Variants in ATP2B2 observed in about 807,000 individuals in gnomAD.
ATP2B2 encodes plasma membrane calcium-transporting ATPase 2.
ATP2B2 carries 15 observed loss-of-function variants against 120.0 expected under a neutral mutation model. The ratio of observed to expected loss-of-function variants is 0.12; its 90% confidence interval spans 0.08 to 0.19. The LOEUF (loss-of-function observed/expected upper bound fraction) is 0.19, where lower values mean the gene tolerates loss of function less well. Among genes scored for constraint, ATP2B2 ranks in the 10% least tolerant of loss-of-function variants. The pLI is 1.00. For synonymous variants in ATP2B2, 694 were observed against 700.3 expected (o/e 0.99, Z 0.14); for missense variants, 1,045 against 1,719.8 (o/e 0.61, Z 6.94).
At chr3:10,626,680 G>A (rs1240583095) in intron 1 of ATP2B2, 1 of 152,068 alleles carries the variant, frequency 6.6e-6, no homozygotes, top group Admixed American at 6.5e-5. Flanking sequence ...TGGAGAAAAG[G>A]ATGAGTGAAT....
At chr3:10,605,159 A>G (rs2069028715) in intron 2 of ATP2B2, among the ~76,000 whole-genome samples, 1 of 152,168 alleles carries the variant, frequency 6.6e-6, no homozygotes, top group Non-Finnish European at 1.5e-5. Flanking sequence ...ATAACACACT[A>G]ACTACTTCAC....
At chr3:10,377,748 CT>C (rs1348671330) in intron 10 of ATP2B2, among the ~76,000 whole-genome samples, 3 of 152,222 alleles carry the variant, frequency 2.0e-5, no homozygotes, top group Non-Finnish European at 4.4e-5. Context: ...CCATTCTTGT[CT>C]TCCTCTGCTC....
chr3:10,400,881 T>C, intron 5 of ATP2B2, 72 bp downstream of exon 5: 2 of 1,603,858 alleles, frequency 1.2e-6, no homozygotes, highest in Non-Finnish European at 1.7e-6. Flanking sequence ...CCCTTCAGCC[T>C]CATGAAGGGG....
chr3:10,704,237 C>T (rs1331310708), intron 1 of ATP2B2, among the ~76,000 whole-genome samples: 1 of 152,180 alleles, frequency 6.6e-6, no homozygotes, highest in Non-Finnish European at 1.5e-5. Flanking sequence ...ATGATAATAT[C>T]ACCTACGTCT....
Position 10,345,522 on chromosome 3 carries a change from G to C in ATP2B2, c.2565C>G (p.Asp855Glu). 6.2e-7 allele frequency: 1 copy of C among 1,614,196 alleles called. No individual in the cohort carries two copies. Among genetic ancestry groups the C allele is most frequent in the Non-Finnish European group, 8.5e-7 (1 of 1,180,016 alleles). ...CCTTGACGATGCTGCTGAAATTGTC[G>C]TCTGTCAGGATGATGTCTGAGGCCT... ...AKEASDIILT[D>E]DNFSSIVKAV... Residue 855 changes from aspartate to glutamate, a missense_variant, in exon 18 of 23, where the codon GAC becomes GAG. Physicochemically the swap from Asp to Glu is conservative, Grantham distance 45 (BLOSUM62 2). Coordinates refer to ENST00000360273, the MANE Select transcript of ATP2B2 (RefSeq NM_001001331.4).
chr3:10,596,021 T>C (rs898864848), intron 2 of ATP2B2, among the ~76,000 whole-genome samples: 1 of 152,126 alleles, frequency 6.6e-6, no homozygotes, highest in East Asian at 1.9e-4. Context: ...TCCTCTCAGA[T>C]CTTTGTAAGC....
upstream of ATP2B2, among the ~76,000 whole-genome samples, chr3:10,507,688 A>G (rs1178545020): frequency 2.0e-5 from 3 of 152,170 alleles, no homozygotes; most frequent in Non-Finnish European, 2.9e-5. Context: ...ACATTTCAAC[A>G]ATCACACTGC....
intron 14 of ATP2B2, among the ~76,000 whole-genome samples, chr3:10,355,097 A>G (rs1471599958): frequency 7.1e-6 from 1 of 139,974 alleles, no homozygotes; most frequent in East Asian, 1.9e-4. Context: ...ACAAATAAAC[A>G]AAGCCATACC....
intron 1 of ATP2B2, among the ~76,000 whole-genome samples, chr3:10,500,050 C>T (rs2066319711): frequency 6.7e-6 from 1 of 150,368 alleles, no homozygotes; most frequent in African/African-American, 2.5e-5. Flanking sequence ...ATTCTCCTGT[C>T]TCAGCCTCCT....
chr3:10,659,255 A>G (rs1322335506), intron 1 of ATP2B2, among the ~76,000 whole-genome samples: 2 of 152,236 alleles, frequency 1.3e-5, no homozygotes, highest in African/African-American at 4.8e-5. Context: ...TATTAACCTT[A>G]AATGTAAATG....
At chr3:10,376,931 C>G (rs150426926) in intron 10 of ATP2B2, among the ~76,000 whole-genome samples, 1 of 152,150 alleles carries the variant, frequency 6.6e-6, no homozygotes, top group Non-Finnish European at 1.5e-5. Flanking sequence ...ATCTCAGCTG[C>G]CCCCGGCTTC....
At chr3:10,447,123 A>G (rs2063862963) in intron 2 of ATP2B2, among the ~76,000 whole-genome samples, 1 of 152,124 alleles carries the variant, frequency 6.6e-6, no homozygotes, top group Non-Finnish European at 1.5e-5. Context: ...GGTCTTGATT[A>G]TCTGCAGCTT....
intron 1 of ATP2B2, among the ~76,000 whole-genome samples, chr3:10,624,284 C>T (rs4684728): frequency 3.3e-5 from 5 of 151,948 alleles, no homozygotes; most frequent in Non-Finnish European, 4.4e-5. Flanking sequence ...GTAAGTCTAA[C>T]GTGTGGAATT....
rs573083145 is a variant in ATP2B2, at chr3:10,439,592, T to A, written c.199+9753A>T. ...TAACAAATGATGCATTAAGAACTTA[T>A]GTGATCTGTGCCCCAACCCAGGCTT... On this transcript the variant is annotated intron_variant, in intron 2 of 22. Transcript: ENST00000360273. Among the ~76,000 whole-genome samples the A allele has an allele frequency of 4.6e-5, 7 of 152,366 alleles. No homozygotes were observed. In the East Asian group the frequency reaches 9.6e-4, roughly 21 times the overall value.
intron 22 of ATP2B2, among the ~76,000 whole-genome samples, chr3:10,334,691 T>C (rs1276025696): frequency 6.6e-6 from 1 of 152,230 alleles, no homozygotes; most frequent in Non-Finnish European, 1.5e-5. Context: ...TGCTTTCTGC[T>C]TCTGTCCTGC....
At chr3:10,697,158 C>CT (rs1206106209) in intron 1 of ATP2B2, among the ~76,000 whole-genome samples, 1 of 152,128 alleles carries the variant, frequency 6.6e-6, no homozygotes, top group Non-Finnish European at 1.5e-5. Context: ...TCCCATTGTG[C>CT]TTTTTTTCCT....
intron 2 of ATP2B2, among the ~76,000 whole-genome samples, chr3:10,584,916 A>C (rs1223520473): frequency 6.6e-6 from 1 of 152,208 alleles, no homozygotes; most frequent in East Asian, 1.9e-4. Context: ...GACAAAATCC[A>C]GGAAGCTCTC....
chr3:10,593,288 A>G (rs927964652), intron 2 of ATP2B2, among the ~76,000 whole-genome samples: 17 of 152,360 alleles, frequency 1.1e-4, no homozygotes, highest in African/African-American at 3.6e-4. Flanking sequence ...TATTAGCCCA[A>G]TTTCACAGAT....
intron 1 of ATP2B2, among the ~76,000 whole-genome samples, chr3:10,702,750 C>T (rs1489512459): frequency 6.6e-6 from 1 of 152,156 alleles, no homozygotes; most frequent in Non-Finnish European, 1.5e-5. Context: ...CAGAATCCTG[C>T]CTAGATGTTA....
Sources: allele counts gnomAD v4.1 joint callset (sites outside exome capture counted in the v4.1 genomes callset), GRCh38; gene constraint gnomAD v4.1.1; transcripts MANE v1.5; gene names NCBI Gene and HGNC (gene_info 2026-07-23, HGNC 2026-07-21).